The following SLIT3 variants were observed in gnomAD, a reference collection of about 807,000 sequenced individuals.
SLIT3 encodes slit homolog 3 protein.
A neutral mutation model predicts 184.0 loss-of-function variants in SLIT3; 68 were observed. The ratio of observed to expected loss-of-function variants is 0.37; its 90% CI spans 0.30 to 0.45. The LOEUF is 0.45. Ranked by LOEUF, SLIT3 falls within the 20% of genes least tolerant of loss-of-function variation. The probability of loss-of-function intolerance (pLI) is 1.00; values close to 1 mark genes in which losing one functional copy is unlikely to be tolerated. For missense variants in SLIT3, 1,707 were observed against 2,026.0 expected, an observed-to-expected ratio of 0.84 and a Z score of 3.02; for synonymous variants, 831 against 828.6, an observed-to-expected ratio of 1.00 and a Z score of -0.05.
intron 3 of SLIT3, among the ~76,000 whole-genome samples, chr5:169,229,570 G>A (rs141788472): frequency 3.3e-5 from 5 of 152,230 alleles, no homozygotes; most frequent in Non-Finnish European, 4.4e-5. Flanking sequence ...TATTTGGCAT[G>A]GGATGTTTGA....
At chr5:169,284,257 A>T (rs1229866217) in intron 1 of SLIT3, among the ~76,000 whole-genome samples, 1 of 152,228 alleles carries the variant, frequency 6.6e-6, no homozygotes, top group Non-Finnish European at 1.5e-5. Flanking sequence ...AGGGACAATT[A>T]AAACTCAGCT....
intron 4 of SLIT3, among the ~76,000 whole-genome samples, chr5:168,891,656 A>G (rs1483250185): frequency 6.6e-6 from 1 of 152,208 alleles, no homozygotes; most frequent in Non-Finnish European, 1.5e-5. Context: ...TATGGAGATA[A>G]GATGCTTGGT....
chr5:169,189,432 TA>T (rs1763466308), intron 4 of SLIT3, among the ~76,000 whole-genome samples: 1 of 150,960 alleles, frequency 6.6e-6, no homozygotes, highest in Non-Finnish European at 1.5e-5. Flanking sequence ...GCTTTAGAAA[TA>T]GATTTAATGA....
intron 4 of SLIT3, among the ~76,000 whole-genome samples, chr5:168,904,763 G>A (rs972415207): frequency 6.6e-6 from 1 of 152,156 alleles, no homozygotes; most frequent in Admixed American, 6.5e-5. Flanking sequence ...TCTGGGGGAG[G>A]GCAGTTTGTG....
intron 33 of SLIT3, among the ~76,000 whole-genome samples, chr5:168,672,517 C>T (rs1238182041): frequency 6.6e-6 from 1 of 152,158 alleles, no homozygotes; most frequent in Non-Finnish European, 1.5e-5. Flanking sequence ...ACTCTGTCAC[C>T]CAGGTTGCAG....
At chr5:168,860,268 T>A (rs553563548) in intron 5 of SLIT3, among the ~76,000 whole-genome samples, 1 of 152,224 alleles carries the variant, frequency 6.6e-6, no homozygotes, top group East Asian at 1.9e-4. Flanking sequence ...ACCCCTTGGG[T>A]CACACTGTTT....
intron 4 of SLIT3, among the ~76,000 whole-genome samples, chr5:169,152,629 G>A (rs536091721): frequency 1.4e-4 from 22 of 152,270 alleles, no homozygotes; most frequent in African/African-American, 4.1e-4. Flanking sequence ...CTGTGTGGGC[G>A]TGGCACATGG....
rs570529202 is a variant in SLIT3 at position 168,838,990 on chromosome 5, G to A, written c.557+5594C>T. ...GTGGGGCGGCTCTTGTGATGAAGAC[G>A]TGGAGCTAGGGTCACCTCTTGTTTT... On this transcript the variant is annotated intron_variant, in intron 6 of 35. Transcript: ENST00000519560. Among the ~76,000 whole-genome samples the A allele has an allele frequency of 9.8e-5, 15 of 152,300 alleles. No homozygotes were observed. In the South Asian group the frequency reaches 2.7e-3, roughly 27 times the overall value.
intron 4 of SLIT3, among the ~76,000 whole-genome samples, chr5:169,038,832 G>A (rs183092725): frequency 6.6e-6 from 1 of 152,152 alleles, no homozygotes; most frequent in African/African-American, 2.4e-5. Context: ...AGTACAAAGA[G>A]AATGGCTGTG....
chr5:168,746,460 T>C (rs1384541046), intron 20 of SLIT3, among the ~76,000 whole-genome samples: 1 of 66,200 alleles, frequency 1.5e-5, no homozygotes, highest in Non-Finnish European at 2.9e-5. Context: ...CAGTGTGTGG[T>C]GGTGTGCGGT....
At chr5:169,074,548 C>A (rs569817793) in intron 4 of SLIT3, among the ~76,000 whole-genome samples, 2 of 152,286 alleles carry the variant, frequency 1.3e-5, no homozygotes, top group African/African-American at 4.8e-5. Context: ...CCATCAGAAA[C>A]CCAATTTTAC....
chr5:168,963,811 T>C, intron 4 of SLIT3, among the ~76,000 whole-genome samples: 1 of 152,226 alleles, frequency 6.6e-6, no homozygotes, highest in East Asian at 1.9e-4. Flanking sequence ...CTCTCTTTTG[T>C]TGGCTTTATA....
intron 4 of SLIT3, among the ~76,000 whole-genome samples, chr5:169,153,538 C>T (rs959704858): frequency 1.3e-5 from 2 of 152,248 alleles, no homozygotes; most frequent in Non-Finnish European, 2.9e-5. Flanking sequence ...AACAGACTGT[C>T]AGACAATACT....
intron 4 of SLIT3, among the ~76,000 whole-genome samples, chr5:169,087,959 C>T (rs1005780370): frequency 2.0e-5 from 3 of 152,180 alleles, no homozygotes; most frequent in Non-Finnish European, 2.9e-5. Flanking sequence ...TACTTTCCTC[C>T]GTTCTCTTTA....
chr5:168,905,369 G>C (rs917794569), intron 4 of SLIT3, among the ~76,000 whole-genome samples: 2 of 152,150 alleles, frequency 1.3e-5, no homozygotes, highest in African/African-American at 2.4e-5. Context: ...TATGCTTGCT[G>C]GTGCAGCCTT....
At chr5:169,295,322 G>A (rs545145382) in intron 1 of SLIT3, among the ~76,000 whole-genome samples, 1 of 152,358 alleles carries the variant, frequency 6.6e-6, no homozygotes, top group South Asian at 2.1e-4. Flanking sequence ...CAATGGGGTA[G>A]AGTCATCATA....
chr5:168,920,977 G>A (rs1761618462), intron 4 of SLIT3, among the ~76,000 whole-genome samples: 1 of 152,070 alleles, frequency 6.6e-6, no homozygotes, highest in African/African-American at 2.4e-5. Context: ...ATGACACATT[G>A]CTCTGCTCCT....
chr5:168,867,440 G>A (rs755107367), intron 5 of SLIT3, among the ~76,000 whole-genome samples: 14 of 152,208 alleles, frequency 9.2e-5, no homozygotes, highest in Non-Finnish European at 1.8e-4. Flanking sequence ...GATGAGTCAA[G>A]CTAAAGAATG....
chr5:169,119,025 G>T (rs143491861), intron 4 of SLIT3, among the ~76,000 whole-genome samples: 118 of 152,252 alleles, frequency 7.8e-4, no homozygotes, highest in African/African-American at 2.7e-3. Context: ...TTTTCCCAAA[G>T]TCCCACGACC....
Sources: allele counts gnomAD v4.1 joint callset (sites outside exome capture counted in the v4.1 genomes callset), GRCh38; gene constraint gnomAD v4.1.1; transcripts MANE v1.5; gene names NCBI Gene and HGNC (gene_info 2026-07-23, HGNC 2026-07-21).